FHIT: variants seen among roughly 807,000 people sequenced by gnomAD.
FHIT encodes the protein bis(5'-adenosyl)-triphosphatase.
In FHIT, 19 loss-of-function variants were observed where a neutral mutation model predicts 17.9. The ratio of observed to expected loss-of-function variants is 1.06; its 90% CI spans 0.74 to 1.56. The LOEUF is 1.56. Ranked by LOEUF, FHIT falls within the 40% of genes most tolerant of loss-of-function variation. The probability of loss-of-function intolerance (pLI) is 0.00; values close to 1 mark genes in which losing one functional copy is unlikely to be tolerated. For missense variants in FHIT, 248 were observed against 189.2 expected (o/e 1.31, Z -1.82); for synonymous variants, 81 against 69.7 (o/e 1.16, Z -0.81).
chr3:60,220,397 T>C lies in FHIT; in HGVS notation c.104-206245A>G, dbSNP rs189469777. On this transcript the variant is annotated intron_variant, in intron 5 of 9. Transcript: ENST00000492590. ...GCCCAAAGGGTTATTATTAAAGTTATATTCCTCAAATTATGGAAATAATGC... is the reference window on the plus strand; with the variant it reads ...GCCCAAAGGGTTATTATTAAAGTTACATTCCTCAAATTATGGAAATAATGC... Among the ~76,000 whole-genome samples, 162 of 152,216 alleles carry C rather than the reference T, an allele frequency of 1.1e-3. 5 individuals carry two copies. The highest frequency in any genetic ancestry group is 9.7e-3 in the Admixed American group (149 of 15,290).
intron 2 of FHIT, among the ~76,000 whole-genome samples, chr3:61,079,333 C>T (rs1165424534): frequency 5.3e-5 from 8 of 152,162 alleles, no homozygotes; most frequent in Non-Finnish European, 1.0e-4. Context: ...ACACAATCAT[C>T]TTCACTTTGA....
At chr3:60,942,379 G>A (rs1708452842) in intron 3 of FHIT, among the ~76,000 whole-genome samples, 2 of 152,140 alleles carry the variant, frequency 1.3e-5, no homozygotes, top group South Asian at 4.1e-4. Flanking sequence ...CTCTAGTCAT[G>A]ACACTAGCTT....
intron 8 of FHIT, among the ~76,000 whole-genome samples, chr3:59,817,198 T>A (rs1449760996): frequency 6.6e-6 from 1 of 152,188 alleles, no homozygotes; most frequent in African/African-American, 2.4e-5. Context: ...CTTTAAGATT[T>A]TAATGTAATT....
chr3:59,816,955 A>T (rs2106637821), intron 8 of FHIT, among the ~76,000 whole-genome samples: 1 of 152,314 alleles, frequency 6.6e-6, no homozygotes, highest in East Asian at 1.9e-4. Context: ...TAGCATCTTG[A>T]TCTAGACCAG....
At chr3:60,916,325 G>A (rs1706999091) in intron 3 of FHIT, among the ~76,000 whole-genome samples, 1 of 152,170 alleles carries the variant, frequency 6.6e-6, no homozygotes, top group Admixed American at 6.5e-5. Flanking sequence ...TATTTTGATA[G>A]TTAGAGCCAA....
chr3:60,682,867 G>A (rs1221931133), intron 4 of FHIT, among the ~76,000 whole-genome samples: 1 of 152,204 alleles, frequency 6.6e-6, no homozygotes, highest in Non-Finnish European at 1.5e-5. Context: ...CATGCTGGAT[G>A]TCATTGAGAA....
At chr3:60,516,380 A>G (rs1026303212) in intron 5 of FHIT, among the ~76,000 whole-genome samples, 3 of 152,218 alleles carry the variant, frequency 2.0e-5, no homozygotes, top group African/African-American at 7.2e-5. Context: ...TATGCAATCT[A>G]TCATGAGATG....
At chr3:61,048,571 A>G (rs925192239) in intron 2 of FHIT, among the ~76,000 whole-genome samples, 12 of 152,182 alleles carry the variant, frequency 7.9e-5, no homozygotes, top group Non-Finnish European at 1.6e-4. Context: ...ACAGTGTGGC[A>G]ATTCCTCAAG....
At chr3:60,164,118 T>G (rs1455008743) in intron 5 of FHIT, among the ~76,000 whole-genome samples, 1 of 152,276 alleles carries the variant, frequency 6.6e-6, no homozygotes, top group African/African-American at 2.4e-5. Flanking sequence ...CTTAAGTAGG[T>G]AGCTAGTGGA....
At chr3:60,129,974 ATCTC>A (rs772243293) in intron 5 of FHIT, among the ~76,000 whole-genome samples, 5 of 151,938 alleles carry the variant, frequency 3.3e-5, no homozygotes, top group African/African-American at 9.7e-5. Flanking sequence ...CTTTAGGATT[ATCTC>A]TCTCTTTCTC....
intron 3 of FHIT, among the ~76,000 whole-genome samples, chr3:61,006,601 ATATTCT>A (rs780413441): frequency 2.2e-4 from 20 of 90,508 alleles, no homozygotes; most frequent in Non-Finnish European, 3.9e-4. Context: ...TTTGGAAAAC[ATATTCT>A]TTTTTTTTTT....
At chr3:60,216,516 T>G (rs1703706066) in intron 5 of FHIT, among the ~76,000 whole-genome samples, 1 of 152,184 alleles carries the variant, frequency 6.6e-6, no homozygotes, top group African/African-American at 2.4e-5. Flanking sequence ...ATGTCCCAAA[T>G]ATATTAAAGT....
chr3:60,226,950 C>A (rs929648236), intron 5 of FHIT, among the ~76,000 whole-genome samples: 1 of 152,130 alleles, frequency 6.6e-6, no homozygotes, highest in Non-Finnish European at 1.5e-5. Flanking sequence ...AAAGGAAAAT[C>A]AAAAGTCATT....
At chr3:60,918,854 C>T (rs1221203693) in intron 3 of FHIT, among the ~76,000 whole-genome samples, 1 of 152,222 alleles carries the variant, frequency 6.6e-6, no homozygotes, top group African/African-American at 2.4e-5. Flanking sequence ...CTTAGTAACA[C>T]TTGCCAATCT....
At chr3:60,673,656 T>C (rs930318457) in intron 4 of FHIT, among the ~76,000 whole-genome samples, 4 of 152,080 alleles carry the variant, frequency 2.6e-5, no homozygotes, top group Non-Finnish European at 4.4e-5. Context: ...AAGCTACACA[T>C]CCTGCACACG....
rs2036699349 is a variant in FHIT at position 60,555,102 on chromosome 3, C to T, written c.-17-18123G>A. Among the ~76,000 whole-genome samples, 4 of 152,224 alleles carry T rather than the reference C, an allele frequency of 2.6e-5. No individual in the cohort carries two copies. The South Asian group carries it at 8.3e-4, about 32-fold the overall frequency. ...AACAAGTTTAGAAGTATATAATGCA[C>T]ATCTTCCTTCAATCCTGTTTATTAG... On this transcript the variant is annotated intron_variant, in intron 4 of 9. Transcript: ENST00000492590.
At chr3:60,780,907 G>A (rs782631457) in intron 4 of FHIT, among the ~76,000 whole-genome samples, 23 of 152,166 alleles carry the variant, frequency 1.5e-4, no homozygotes, top group Non-Finnish European at 2.6e-4. Flanking sequence ...GGCAGGAAGT[G>A]CTCTATCAGG....
At chr3:61,106,701 G>A (rs997471695) in intron 2 of FHIT, among the ~76,000 whole-genome samples, 1 of 152,032 alleles carries the variant, frequency 6.6e-6, no homozygotes, top group South Asian at 2.1e-4. Context: ...TCGCTCTGTC[G>A]CCCAGGCTGG....
chr3:61,157,148 G>T (rs2037555911), intron 2 of FHIT, among the ~76,000 whole-genome samples: 1 of 152,098 alleles, frequency 6.6e-6, no homozygotes, highest in Non-Finnish European at 1.5e-5. Flanking sequence ...TTCCTTTAAA[G>T]AAAAGAAGTG....
Sources: gnomAD v4.1 joint callset for allele counts (sites outside exome capture counted in the v4.1 genomes callset) on GRCh38, gnomAD v4.1.1 for gene constraint, MANE v1.5 for transcripts, NCBI Gene and HGNC (gene_info 2026-07-23, HGNC 2026-07-21) for gene names.